PTCHD1: variants seen among roughly 807,000 people sequenced by gnomAD.
PTCHD1 encodes the protein patched domain-containing protein 1.
A neutral mutation model predicts 34.6 loss-of-function variants in PTCHD1; 3 were observed. That is an observed-to-expected ratio of 0.09 (90% CI 0.04 to 0.22). The LOEUF (loss-of-function observed/expected upper bound fraction) is 0.22, where lower values mean the gene tolerates loss of function less well. PTCHD1 is among the 10% of genes least tolerant of loss of function. The probability of loss-of-function intolerance (pLI) is 1.00; values close to 1 mark genes in which losing one functional copy is unlikely to be tolerated. For missense variants in PTCHD1, 504 were observed against 685.5 expected (o/e 0.74, Z 2.96); for synonymous variants, 305 against 283.1 (o/e 1.08, Z -0.77).
At chrX:23,378,151 A>G (rs1827096424) in intron 1 of PTCHD1, among the ~76,000 whole-genome samples, 1 of 112,246 alleles carries the variant, frequency 8.9e-6, no homozygotes, top group Admixed American at 9.4e-5. Flanking sequence ...CAGAGAAAGC[A>G]AAGCCACCAT....
intron 1 of PTCHD1, among the ~76,000 whole-genome samples, chrX:23,335,482 C>T (rs181699857): frequency 8.8e-6 from 1 of 113,385 alleles, no homozygotes; most frequent in African/African-American, 3.2e-5. Flanking sequence ...GTTGGGGCGG[C>T]GGCGGCCACA....
At chrX:23,392,463 C>A in intron 2 of PTCHD1, 68 bp from the exon 3 acceptor site, 1 of 735,322 alleles carries the variant, frequency 1.4e-6, no homozygotes, top group South Asian at 2.1e-5. Flanking sequence ...CCCTCATAAT[C>A]AAGTTGATTT....
chrX:23,336,741 C>T (rs1023644957), intron 1 of PTCHD1, among the ~76,000 whole-genome samples: 3 of 111,485 alleles, frequency 2.7e-5, no homozygotes, highest in Non-Finnish European at 5.6e-5. Context: ...CTTCCAGCAT[C>T]AAAGTGGTTT....
intron 1 of PTCHD1, among the ~76,000 whole-genome samples, chrX:23,369,108 T>C (rs2146633489): frequency 8.9e-6 from 1 of 112,193 alleles, no homozygotes; most frequent in South Asian, 3.8e-4. Context: ...CAAAAGATGC[T>C]ATTTTGACTG....
At position 23,393,372 on chromosome X, in the gene PTCHD1, G is replaced by A. The variant is rs985359622; in HGVS notation, c.1854G>A (p.Leu618=). 7 of 1,208,531 alleles carry A rather than the reference G, an allele frequency of 5.8e-6. No individual in the cohort carries two copies. The highest frequency in any genetic ancestry group is 7.8e-6 in the Non-Finnish European group (7 of 893,784). Reference sequence around the variant, plus strand: ...CAGACATGTTGAGGAATTCCTTTCTGAAAGCCCCTCAATTTTCACATTTTC... The same window carrying A: ...CAGACATGTTGAGGAATTCCTTTCTAAAAGCCCCTCAATTTTCACATTTTC... The part of the protein sequence containing the change: ...NFTDMLRNSF[L]KAPQFSHFQE... Residue 618 remains leucine (L), a synonymous_variant, in exon 3 of 3, where the codon CTG becomes CTA. Transcript: ENST00000379361.
At chrX:23,349,736 CCT>C (rs2146615570) in intron 1 of PTCHD1, among the ~76,000 whole-genome samples, 1 of 111,387 alleles carries the variant, frequency 9.0e-6, no homozygotes, top group Non-Finnish European at 1.9e-5. Flanking sequence ...CTTCAACATT[CCT>C]CTGTCAGTAA....
chrX:23,358,246 A>G (rs1340400028), intron 1 of PTCHD1, among the ~76,000 whole-genome samples: 2 of 112,189 alleles, frequency 1.8e-5, no homozygotes, highest in Admixed American at 9.4e-5. Context: ...TGACTTCCAC[A>G]ATGATTGAAC....
intron 1 of PTCHD1, among the ~76,000 whole-genome samples, chrX:23,352,623 G>T (rs1162869779): frequency 1.8e-5 from 2 of 111,325 alleles, no homozygotes; most frequent in East Asian, 5.6e-4. Flanking sequence ...TGACCTCCGA[G>T]GATCACATAG....
chrX:23,389,054 C>T (rs1230747660), intron 2 of PTCHD1, among the ~76,000 whole-genome samples: 7 of 111,941 alleles, frequency 6.3e-5, no homozygotes, highest in Non-Finnish European at 3.8e-5. Flanking sequence ...CTGCCATTTC[C>T]TCTTTATTCC....
At position 23,396,967 on chromosome X, in the gene PTCHD1, A is replaced by G. The variant is rs761444807; in HGVS notation, c.*2782A>G. The G allele has an allele frequency of 8.9e-6, 1 of 112,371 alleles. No homozygotes were observed. The highest frequency in any genetic ancestry group is 1.9e-5 in the Non-Finnish European group (1 of 53,292). The allele number at this position is 112,371 out of a possible 1,213,427, so 9.3% of individuals were successfully genotyped here. ...CCCATAAAATCTAAGTCTTTACTTC[A>G]TCAAGTTTTACTTTTTGAATTGCTA... On this transcript the variant is annotated 3_prime_UTR_variant, in exon 3 of 3. Coordinates refer to ENST00000379361, the MANE Select transcript of PTCHD1 (RefSeq NM_173495.3).
chrX:23,371,147 A>G (rs745664765), intron 1 of PTCHD1, among the ~76,000 whole-genome samples: 18 of 112,123 alleles, frequency 1.6e-4, no homozygotes, highest in Non-Finnish European at 3.4e-4. Context: ...CAGGCCAGAC[A>G]CCTTTTATAG....
In PTCHD1 at chrX:23,399,203, C is replaced by G. The variant is rs1470450681; in HGVS notation, c.*5018C>G. ...TTTTCACATGAGAAAACTGAACCCTCGAGTAATGAAATTATATTCACAGAG... is the reference window on the plus strand; with the variant it reads ...TTTTCACATGAGAAAACTGAACCCTGGAGTAATGAAATTATATTCACAGAG... On this transcript the variant is annotated 3_prime_UTR_variant, in exon 3 of 3. Coordinates refer to ENST00000379361, the MANE Select transcript of PTCHD1 (RefSeq NM_173495.3). 9.0e-6 allele frequency: 1 copy of G among 111,262 alleles called. No individual in the cohort carries two copies. The highest frequency in any genetic ancestry group is 3.3e-5 in the African/African-American group (1 of 30,557). 9.2% of individuals were successfully genotyped at this position (111,262 alleles called of 1,213,427 possible). A position where few individuals can be genotyped will look rare whatever the true frequency, so the allele number is the denominator to read the frequency against.
intron 1 of PTCHD1, among the ~76,000 whole-genome samples, chrX:23,349,295 T>C (rs994616570): frequency 7.2e-5 from 8 of 111,765 alleles, no homozygotes; most frequent in African/African-American, 2.6e-4. Flanking sequence ...ATGGTAGATA[T>C]TAATCTAATT....
In PTCHD1 at chrX:23,398,959, A is replaced by T; in HGVS notation, c.*4774A>T. 9.0e-6 allele frequency: 1 copy of T among 111,033 alleles called. No homozygotes were observed. Among genetic ancestry groups the T allele is most frequent in the East Asian group, 2.8e-4 (1 of 3,535 alleles). 9.2% of individuals were successfully genotyped at this position (111,033 alleles called of 1,213,427 possible). ...GCTATGGCCTCTGTGCAGATTTTTG[A>T]GTTAGATTAAAATTAGTACCACCTG... On this transcript the variant is annotated 3_prime_UTR_variant, in exon 3 of 3. Coordinates refer to ENST00000379361, the MANE Select transcript of PTCHD1 (RefSeq NM_173495.3).
chrX:23,379,617 G>A lies in PTCHD1; in HGVS notation c.378G>A (p.Gln126=), dbSNP rs757730026. ...TGCATGCTGCTGTCACCAAGATCCAGGTTCCAAGGCCTGGTTTTAATTACA... is the reference window on the plus strand; with the variant it reads ...TGCATGCTGCTGTCACCAAGATCCAAGTTCCAAGGCCTGGTTTTAATTACA... The part of the protein sequence containing the change: ...LKLHAAVTKI[Q]VPRPGFNYTF... The change falls in exon 2 of 3, where the codon CAG becomes CAA. Residue 126 remains glutamine (Q), a synonymous_variant. Coordinates refer to ENST00000379361, the MANE Select transcript of PTCHD1 (RefSeq NM_173495.3). 8.3e-7 allele frequency: 1 copy of A among 1,211,737 alleles called. No individual in the cohort carries two copies. Among genetic ancestry groups the A allele is most frequent in the East Asian group, 3.0e-5 (1 of 33,857 alleles).
rs1206308016 is a variant in PTCHD1, at chrX:23,395,989, A to T, written c.*1804A>T. ...TTTTCAGTATTCTCATAAGATGGCT[A>T]TTACTCCTCTCAAAATGCATTTCCA... On this transcript the variant is annotated 3_prime_UTR_variant, in exon 3 of 3. Coordinates refer to ENST00000379361, the MANE Select transcript of PTCHD1 (RefSeq NM_173495.3). 5 of 112,071 alleles carry T rather than the reference A, an allele frequency of 4.5e-5. No individual in the cohort carries two copies. In the East Asian group the frequency reaches 1.4e-3, roughly 31 times the overall value. The allele number at this position is 112,071 out of a possible 1,213,427, so 9.2% of individuals were successfully genotyped here.
chrX:23,349,210 G>C (rs1921559448), intron 1 of PTCHD1, among the ~76,000 whole-genome samples: 2 of 111,093 alleles, frequency 1.8e-5, no homozygotes, highest in South Asian at 3.8e-4. Context: ...GGCAGAAAAA[G>C]AGGAGGTAAA....
At position 23,393,835 on chromosome X, in the gene PTCHD1, T is replaced by G. The variant is rs777798588; in HGVS notation, c.2317T>G (p.Ser773Ala). The change falls in exon 3 of 3, where the codon TCC (serine) becomes GCC (alanine). Residue 773 changes from serine to alanine, a missense_variant. Ser to Ala is a moderately conservative substitution (Grantham distance 99). Transcript: ENST00000379361. ...AATTGACAATTGTGCTCCAATGTTA[T>G]CCACATTTGTTCTGGGCAAGGATTT... ...YTIDNCAPML[S>A]TFVLGKDFTR... is the part of the protein sequence containing the mutation. 3.6e-5 allele frequency: 43 copies of G among 1,209,080 alleles called. No homozygotes were observed. In the Admixed American group the frequency reaches 9.4e-4, roughly 26 times the overall value.
rs1179722046 is a variant in PTCHD1 at position 23,397,477 on chromosome X, C to T, written c.*3292C>T. 8.9e-6 allele frequency: 1 copy of T among 111,961 alleles called. No individual in the cohort carries two copies. Among genetic ancestry groups the T allele is most frequent in the Non-Finnish European group, 1.9e-5 (1 of 53,193 alleles). 9.2% of individuals were successfully genotyped at this position (111,961 alleles called of 1,213,427 possible). ...CCATTGTTCCAGCTCATAAGTTTTA[C>T]TTTGTTTTGGGTTTTGGAGTTTTTA... On this transcript the variant is annotated 3_prime_UTR_variant, in exon 3 of 3. Transcript: ENST00000379361.
Sources: gnomAD v4.1 joint callset for allele counts (sites outside exome capture counted in the v4.1 genomes callset) on GRCh38, gnomAD v4.1.1 for gene constraint, MANE v1.5 for transcripts, NCBI Gene and HGNC (gene_info 2026-07-23, HGNC 2026-07-21) for gene names.